Variants in STAM observed in about 807,000 individuals in gnomAD.
The protein encoded by STAM is signal transducing adaptor molecule.
A neutral mutation model predicts 63.4 loss-of-function variants in STAM; 16 were observed. The ratio of observed to expected loss-of-function variants is 0.25; its 90% CI spans 0.17 to 0.38. The LOEUF (loss-of-function observed/expected upper bound fraction) is 0.38. Among genes scored for constraint, STAM ranks in the 10% least tolerant of loss-of-function variants. The probability of loss-of-function intolerance (pLI) is 1.00; values close to 1 mark genes in which losing one functional copy is unlikely to be tolerated. For synonymous variants in STAM, 238 were observed against 223.9 expected (o/e 1.06, Z -0.56); for missense variants, 636 against 657.1 (o/e 0.97, Z 0.35).
intron 2 of STAM, among the ~76,000 whole-genome samples, chr10:17,664,081 AAT>A (rs72283988): frequency 0.11 from 16,416 of 152,122 alleles, 972 homozygotes; most frequent in Middle Eastern, 0.16. Flanking sequence ...TTTTAAAAGA[AAT>A]AAAACATTTA....
chr10:17,653,044 G>C (rs1833799164), intron 1 of STAM, among the ~76,000 whole-genome samples: 2 of 152,172 alleles, frequency 1.3e-5, no homozygotes, highest in South Asian at 2.1e-4. Context: ...TAATAGCTTA[G>C]TTTATGCTAA....
At chr10:17,709,041 T>C in intron 13 of STAM, 90 bp downstream of exon 13, 1 of 1,460,492 alleles carries the variant, frequency 6.8e-7, no homozygotes, top group Non-Finnish European at 9.3e-7. Context: ...ATCTGGCTAA[T>C]AAATATCTGT....
chr10:17,682,668 G>A (rs1554825511), intron 2 of STAM, among the ~76,000 whole-genome samples: 1 of 152,130 alleles, frequency 6.6e-6, no homozygotes, highest in Non-Finnish European at 1.5e-5. Flanking sequence ...AGGACAGAAT[G>A]TAGTCCATTT....
chr10:17,644,473 C>T (rs1459366565), intron 1 of STAM, 94 bp downstream of exon 1: 1 of 1,469,242 alleles, frequency 6.8e-7, no homozygotes, highest in African/African-American at 1.4e-5. Context: ...GGGCCAGGGC[C>T]AAGGAAGAGC....
intron 2 of STAM, among the ~76,000 whole-genome samples, chr10:17,663,026 G>T (rs1300225870): frequency 2.6e-5 from 4 of 152,002 alleles, no homozygotes; most frequent in Non-Finnish European, 4.4e-5. Context: ...TTTTGTAGAC[G>T]CTTTCTGTAA....
intron 1 of STAM, among the ~76,000 whole-genome samples, chr10:17,646,363 CT>C (rs762994184): frequency 2.0e-5 from 3 of 152,162 alleles, no homozygotes; most frequent in Non-Finnish European, 2.9e-5. Context: ...TAAATGCCCC[CT>C]GGAAGGACAA....
chr10:17,665,857 A>G (rs1312263145), intron 2 of STAM, among the ~76,000 whole-genome samples: 2 of 152,118 alleles, frequency 1.3e-5, no homozygotes, highest in Admixed American at 1.3e-4. Flanking sequence ...ACGTCTCAAG[A>G]TATTCACATG....
intron 5 of STAM, among the ~76,000 whole-genome samples, chr10:17,688,430 C>A (rs1211959522): frequency 6.6e-6 from 1 of 152,030 alleles, no homozygotes; most frequent in African/African-American, 2.4e-5. Context: ...ATTGGTTTAA[C>A]ATTTTGCAGT....
rs1195929611 is a variant in STAM at position 17,715,335 on chromosome 10, G to A, written c.*555G>A. 2 of 160,758 alleles carry A rather than the reference G, an allele frequency of 1.2e-5. No individual in the cohort carries two copies. Among genetic ancestry groups the A allele is most frequent in the African/African-American group, 2.4e-5 (1 of 41,412 alleles). 10.0% of individuals were successfully genotyped at this position (160,758 alleles called of 1,614,324 possible). On this transcript the variant is annotated 3_prime_UTR_variant, in exon 14 of 14. Transcript: ENST00000377524. The stretch of plus-strand genomic sequence containing the variant: ...TTACATGAAGGCGCATTATGTTGTC[G>A]TGTGTTTCAGTTTCACATTAAACTG...
At chr10:17,699,319 A>C (rs374978051) in intron 8 of STAM, among the ~76,000 whole-genome samples, 15 of 152,320 alleles carry the variant, frequency 9.8e-5, no homozygotes, top group African/African-American at 3.6e-4. Flanking sequence ...CCCTTCCTTA[A>C]ATTGCCCCCT....
intron 5 of STAM, among the ~76,000 whole-genome samples, chr10:17,690,820 A>G (rs1835498632): frequency 6.6e-6 from 1 of 152,236 alleles, no homozygotes. Context: ...TGATGTAAAG[A>G]TAGAAGTAGG....
At chr10:17,705,518 T>A in intron 11 of STAM, 70 bp from the exon 12 acceptor site, 1 of 1,498,296 alleles carries the variant, frequency 6.7e-7, no homozygotes, top group Non-Finnish European at 9.0e-7. Context: ...GATATTTTGA[T>A]GTATCATTAT....
chr10:17,690,209 C>T (rs1835471636), intron 5 of STAM, among the ~76,000 whole-genome samples: 1 of 152,126 alleles, frequency 6.6e-6, no homozygotes. Context: ...TTTTCGCTGC[C>T]CGAGTCTGCC....
chr10:17,686,432 A>C (rs1305820310), intron 4 of STAM, among the ~76,000 whole-genome samples: 3 of 149,394 alleles, frequency 2.0e-5, no homozygotes, highest in African/African-American at 4.9e-5. Flanking sequence ...GCTGGAGTAC[A>C]GTGGCGTGAT....
chr10:17,707,413 A>AAT (rs1836339631), intron 12 of STAM, among the ~76,000 whole-genome samples: 1 of 151,500 alleles, frequency 6.6e-6, no homozygotes, highest in Non-Finnish European at 1.5e-5. Context: ...CCACCTCAAA[A>AAT]AATAATAATA....
intron 13 of STAM, among the ~76,000 whole-genome samples, chr10:17,714,100 T>A (rs1554830381): frequency 6.6e-6 from 1 of 152,192 alleles, no homozygotes; most frequent in Admixed American, 6.5e-5. Flanking sequence ...CTCGCTTACT[T>A]TTTCCACATC....
At chr10:17,685,300 C>T (rs1444033251) in intron 4 of STAM, among the ~76,000 whole-genome samples, 1 of 152,028 alleles carries the variant, frequency 6.6e-6, no homozygotes, top group Non-Finnish European at 1.5e-5. Flanking sequence ...TCTATGGCAC[C>T]GTTGAGTTTT....
At chr10:17,653,715 AGT>A (rs1316677445) in intron 1 of STAM, among the ~76,000 whole-genome samples, 11 of 152,240 alleles carry the variant, frequency 7.2e-5, no homozygotes, top group Non-Finnish European at 7.3e-5. Flanking sequence ...AGGCATGATA[AGT>A]GATCTAGAGA....
intron 9 of STAM, among the ~76,000 whole-genome samples, chr10:17,702,876 T>A (rs1360818455): frequency 4.0e-5 from 6 of 151,738 alleles, no homozygotes; most frequent in Non-Finnish European, 5.9e-5. Flanking sequence ...GACGTGGTGG[T>A]GTGCGCTTGT....
Sources: allele counts gnomAD v4.1 joint callset (sites outside exome capture counted in the v4.1 genomes callset), GRCh38; gene constraint gnomAD v4.1.1; transcripts MANE v1.5; gene names NCBI Gene and HGNC (gene_info 2026-07-23, HGNC 2026-07-21).